The following NGEF variants were observed in gnomAD, a reference collection of about 807,000 sequenced individuals.
NGEF encodes the protein ephexin-1.
In NGEF, 31 loss-of-function variants were observed where a neutral mutation model predicts 80.9. The observed-to-expected ratio is 0.38, with a 90% CI of 0.29 to 0.52. NGEF has a LOEUF of 0.52. NGEF is among the 20% of genes least tolerant of loss of function. NGEF has a pLI of 0.84. For synonymous variants in NGEF, 371 were observed against 370.2 expected, an observed-to-expected ratio of 1.00 and a Z score of -0.03; for missense variants, 709 against 926.2, an observed-to-expected ratio of 0.77 and a Z score of 3.04.
chr2:232,910,936 T>C (rs1237321465), intron 5 of NGEF, among the ~76,000 whole-genome samples: 2 of 152,218 alleles, frequency 1.3e-5, no homozygotes, highest in Non-Finnish European at 2.9e-5. Context: ...TTCCTCCCCA[T>C]CTGTAGCTTC....
intron 1 of NGEF, among the ~76,000 whole-genome samples, chr2:232,978,697 A>G (rs1401974524): frequency 2.6e-5 from 4 of 151,878 alleles, no homozygotes; most frequent in Non-Finnish European, 5.9e-5. Context: ...CAGCCCCGGC[A>G]ACCACCAATT....
At chr2:232,914,199 C>A (rs1692745993) in intron 5 of NGEF, among the ~76,000 whole-genome samples, 1 of 152,226 alleles carries the variant, frequency 6.6e-6, no homozygotes, top group African/African-American at 2.4e-5. Context: ...GTATGGTCTA[C>A]AAAGCCTAAC....
chr2:233,011,892 A>G (rs1386193055), intron 1 of NGEF, among the ~76,000 whole-genome samples: 2 of 152,108 alleles, frequency 1.3e-5, no homozygotes, highest in Non-Finnish European at 2.9e-5. Flanking sequence ...AGGGGTTCCC[A>G]TGACAATTTG....
intron 3 of NGEF, among the ~76,000 whole-genome samples, chr2:232,963,377 G>C (rs966824577): frequency 2.6e-5 from 4 of 151,922 alleles, no homozygotes; most frequent in African/African-American, 9.7e-5. Flanking sequence ...AAAATGAAGA[G>C]TCTAAAACTT....
intron 5 of NGEF, among the ~76,000 whole-genome samples, chr2:232,908,687 G>A (rs1018969411): frequency 2.6e-5 from 4 of 151,984 alleles, no homozygotes; most frequent in Non-Finnish European, 5.9e-5. Context: ...TTATAGGCAT[G>A]AGCCACCATA....
At chr2:232,943,908 T>C (rs1161635068) in intron 3 of NGEF, among the ~76,000 whole-genome samples, 2 of 151,906 alleles carry the variant, frequency 1.3e-5, no homozygotes, top group Non-Finnish European at 2.9e-5. Flanking sequence ...TCCAACCTCA[T>C]AGAGAAGGGA....
At chr2:232,998,468 G>A (rs1339550024) in intron 1 of NGEF, among the ~76,000 whole-genome samples, 1 of 152,194 alleles carries the variant, frequency 6.6e-6, no homozygotes, top group African/African-American at 2.4e-5. Context: ...CAGGGACAGC[G>A]CAGCCAGAGA....
rs761598490 is a variant in NGEF, at chr2:232,900,161, CAT to C, written c.829-5247_829-5246del. On this transcript the variant is annotated intron_variant, in intron 5 of 14. Coordinates refer to ENST00000264051, the MANE Select transcript of NGEF (RefSeq NM_019850.3). ...TCACACACACACGCTCACAGTCACT[CAT>C]ATACACGTTCACTCACATTCACACA... 3.2e-4 allele frequency among the ~76,000 whole-genome samples: 44 copies of C among 135,784 alleles called. 6 individuals are homozygous for C. The highest frequency in any genetic ancestry group is 5.8e-4 in the Admixed American group (8 of 13,726). 89.1% of individuals were successfully genotyped at this position (135,784 alleles called of 152,430 possible). A position where few individuals can be genotyped will look rare whatever the true frequency, so the allele number is the denominator to read the frequency against.
chr2:232,918,349 C>T (rs1692856519), intron 5 of NGEF, among the ~76,000 whole-genome samples: 1 of 152,120 alleles, frequency 6.6e-6, no homozygotes, highest in Non-Finnish European at 1.5e-5. Context: ...GATCTGCCCA[C>T]CCCGGCCTCC....
At chr2:232,996,445 G>A (rs1029173129) in intron 1 of NGEF, among the ~76,000 whole-genome samples, 1 of 152,214 alleles carries the variant, frequency 6.6e-6, no homozygotes, top group Admixed American at 6.5e-5. Flanking sequence ...GAGAGAGGCC[G>A]CTGAGCGCAG....
At chr2:232,926,925 C>A (rs1693082653) in intron 4 of NGEF, 119 bp downstream of exon 4, 12 of 1,309,066 alleles carry the variant, frequency 9.2e-6, no homozygotes, top group South Asian at 6.5e-5. Context: ...TTTCCTTACC[C>A]ATGTCAGACG....
chr2:232,924,925 T>C (rs1189123951), intron 4 of NGEF, among the ~76,000 whole-genome samples: 1 of 152,234 alleles, frequency 6.6e-6, no homozygotes, highest in Non-Finnish European at 1.5e-5. Context: ...ATACAGTGTG[T>C]AACCATTTCT....
chr2:232,961,034 T>G (rs1412259411), intron 3 of NGEF, among the ~76,000 whole-genome samples: 1 of 152,184 alleles, frequency 6.6e-6, no homozygotes, highest in Non-Finnish European at 1.5e-5. Flanking sequence ...CAGCTCACCA[T>G]GACTCACTGC....
chr2:232,972,757 T>TTTC (rs1694220785), intron 2 of NGEF, among the ~76,000 whole-genome samples: 1 of 26,656 alleles, frequency 3.8e-5, no homozygotes, highest in African/African-American at 2.5e-4. Context: ...TTTTTTTTTT[T>TTTC]TTTTTTTTTT....
chr2:232,958,151 A>G (rs182110512), intron 3 of NGEF, among the ~76,000 whole-genome samples: 308 of 152,290 alleles, frequency 2.0e-3, no homozygotes, highest in African/African-American at 6.9e-3. Context: ...GATGCCAGAG[A>G]GGAAACTAAT....
chr2:232,919,762 C>T (rs190255955), intron 5 of NGEF, among the ~76,000 whole-genome samples: 59 of 152,290 alleles, frequency 3.9e-4, no homozygotes, highest in African/African-American at 1.4e-3. Flanking sequence ...GCCAGAGACA[C>T]GAATCCCAGA....
At position 232,943,682 on chromosome 2, in the gene NGEF, A is replaced by C. The variant is rs1249681466; in HGVS notation, c.384-16496T>G. Among the ~76,000 whole-genome samples, 4 of 151,178 alleles carry C rather than the reference A, an allele frequency of 2.6e-5. No individual in the cohort carries two copies. In the East Asian group the frequency reaches 6.0e-4, roughly 23 times the overall value. On this transcript the variant is annotated intron_variant, in intron 3 of 14. Transcript: ENST00000264051. The stretch of plus-strand genomic sequence containing the variant: ...GACTAATTTTTTGTATTTTTAGTAG[A>C]GACGGGGTTTCACTGTGTTAGCCAG...
intron 1 of NGEF, among the ~76,000 whole-genome samples, chr2:232,988,036 C>CCTGTGTGTGTGT (rs1553558805): frequency 0.012 from 1,694 of 140,320 alleles, 70 homozygotes; most frequent in South Asian, 0.033. Context: ...GGGATGGTCT[C>CCTGTGTGTGTGT]GTGTGTGTGT....
At chr2:232,944,528 TC>T (rs1693509715) in intron 3 of NGEF, among the ~76,000 whole-genome samples, 1 of 151,766 alleles carries the variant, frequency 6.6e-6, no homozygotes, top group African/African-American at 2.4e-5. Context: ...TTAAGTGATT[TC>T]CCAAATTCAG....
Sources: gnomAD v4.1 joint callset for allele counts (sites outside exome capture counted in the v4.1 genomes callset) on GRCh38, gnomAD v4.1.1 for gene constraint, MANE v1.5 for transcripts, NCBI Gene and HGNC (gene_info 2026-07-23, HGNC 2026-07-21) for gene names.